Variants in PRDM10 observed in about 807,000 individuals in gnomAD.
PRDM10 encodes the protein PR/SET domain 10.
In PRDM10, 65 loss-of-function variants were observed where a neutral mutation model predicts 133.1. The observed-to-expected ratio is 0.49, with a 90% confidence interval of 0.40 to 0.60. The LOEUF (loss-of-function observed/expected upper bound fraction) is 0.60, where lower values mean the gene tolerates loss of function less well. PRDM10 is among the 20% of genes least tolerant of loss of function. PRDM10 has a pLI of 0.00. For missense variants in PRDM10, 1,137 were observed against 1,507.1 expected (o/e 0.75, Z 4.07); for synonymous variants, 582 against 580.4 (o/e 1.00, Z -0.04).
At chr11:129,992,457 T>C (rs1460608706) in intron 1 of PRDM10, among the ~76,000 whole-genome samples, 1 of 152,224 alleles carries the variant, frequency 6.6e-6, no homozygotes, top group Non-Finnish European at 1.5e-5. Flanking sequence ...TTCCTTTTAC[T>C]ACAAAGCTTG....
chr11:129,970,456 T>G (rs550399349), intron 1 of PRDM10, among the ~76,000 whole-genome samples: 3 of 152,116 alleles, frequency 2.0e-5, no homozygotes, highest in African/African-American at 4.8e-5. Flanking sequence ...ACACTGCTTC[T>G]CTTCCCACAA....
At chr11:129,914,665 G>T in intron 17 of PRDM10, 39 bp downstream of exon 17, 1 of 1,609,990 alleles carries the variant, frequency 6.2e-7, no homozygotes, top group Non-Finnish European at 8.5e-7. Context: ...GTGGCAACAC[G>T]GCATTCATAA....
Position 129,914,835 on chromosome 11 carries a change from G to A in PRDM10, c.2710C>T (p.Gln904Ter), listed in dbSNP as rs1284995004. ...LLTQAMTELSQTLTTDYRTPQ... is the reference protein window; with the variant it reads ...LLTQAMTELS ...GTTCGGTAGTCTGTCGTTAAGGTCT[G>A]GGACAGTTCTGTCATTGCTTGGGTG... Residue 904 changes from glutamine to a stop codon, truncating the protein, a stop_gained, in exon 17 of 21, where the codon CAG becomes TAG. Transcript: ENST00000360871. LOFTEE classifies it high-confidence loss of function. The A allele has an allele frequency of 6.2e-7, 1 of 1,614,016 alleles. No homozygotes were observed. Among genetic ancestry groups the A allele is most frequent in the African/African-American group, 1.3e-5 (1 of 74,908 alleles).
chr11:129,993,124 A>C (rs1045408405), intron 1 of PRDM10, among the ~76,000 whole-genome samples: 7 of 152,184 alleles, frequency 4.6e-5, no homozygotes, highest in Non-Finnish European at 2.9e-5. Context: ...TTCAACATCC[A>C]ACTTTAATTT....
intron 2 of PRDM10, 40 bp downstream of exon 2, chr11:129,960,856 A>G (rs1275512388): frequency 6.2e-7 from 1 of 1,608,420 alleles, no homozygotes; most frequent in South Asian, 1.1e-5. Flanking sequence ...AGTCCAGCTG[A>G]AAACCTCTCA....
At position 129,947,560 on chromosome 11, in the gene PRDM10, C is replaced by G; in HGVS notation, c.295-190G>C. The G allele has an allele frequency of 1.4e-6, 2 of 1,450,114 alleles. No homozygotes were observed. The highest frequency in any genetic ancestry group is 9.0e-7 in the Non-Finnish European group (1 of 1,105,618). 89.8% of individuals were successfully genotyped at this position (1,450,114 alleles called of 1,614,324 possible). A position where few individuals can be genotyped will look rare whatever the true frequency, so the allele number is the denominator to read the frequency against. ...AGAGCTGGCTTCATTTTTGATCTGA[C>G]TGCTCACAGCCTTTAAGCCTCTGCC... On this transcript the variant is annotated intron_variant, in intron 4 of 20. Transcript: ENST00000360871. This position sits in a 1 kb window ranked among gnomAD's most constrained non-coding sequence, Gnocchi z 4.6.
intron 1 of PRDM10, among the ~76,000 whole-genome samples, chr11:129,995,148 A>G (rs759488686): frequency 1.3e-5 from 2 of 152,212 alleles, no homozygotes; most frequent in African/African-American, 2.4e-5. Context: ...ATGGGTCCTT[A>G]TATTTATCCA....
intron 1 of PRDM10, among the ~76,000 whole-genome samples, chr11:129,988,740 C>T (rs1312824427): frequency 1.3e-5 from 2 of 152,134 alleles, no homozygotes; most frequent in African/African-American, 4.8e-5. Context: ...CGCCATTCTC[C>T]TGCCTCAGCC....
intron 1 of PRDM10, among the ~76,000 whole-genome samples, chr11:129,970,576 C>G (rs1376541842): frequency 1.4e-5 from 2 of 146,820 alleles, no homozygotes; most frequent in East Asian, 4.1e-4. Flanking sequence ...GATGGAGTTT[C>G]GCTTGTTGCC....
At chr11:129,956,572 T>A (rs1951700590) in intron 3 of PRDM10, among the ~76,000 whole-genome samples, 1 of 151,858 alleles carries the variant, frequency 6.6e-6, no homozygotes, top group African/African-American at 2.4e-5. Flanking sequence ...TCAAAAAAAA[T>A]AAAAAATAAG....
chr11:129,905,616 C>G (rs1261531508), intron 20 of PRDM10, 22 bp downstream of exon 20: 1 of 1,595,750 alleles, frequency 6.3e-7, no homozygotes, highest in South Asian at 1.1e-5. Context: ...CAGGAAAAAC[C>G]CGACCGAGTA....
intron 2 of PRDM10, among the ~76,000 whole-genome samples, chr11:129,960,233 A>C (rs905084422): frequency 6.6e-6 from 1 of 152,218 alleles, no homozygotes; most frequent in African/African-American, 2.4e-5. Context: ...TGTTTACTAC[A>C]ATGTTTAAAA....
chr11:129,910,515 T>C lies in PRDM10; in HGVS notation c.3124A>G (p.Thr1042Ala), dbSNP rs1367941779. ...QQQQNSSVQH[T>A]YLPSAWNSFR... The stretch of plus-strand genomic sequence containing the variant: ...GAATTCCAAGCACTGGGCAGGTACG[T>C]GTGCTGCACAGAGGAATTCTGCTGC... Residue 1042 changes from threonine (T) to alanine (A), a missense_variant, in exon 19 of 21, where the codon ACG (threonine) becomes GCG (alanine). Transcript: ENST00000360871. 1.2e-6 allele frequency: 2 copies of C among 1,613,970 alleles called. No homozygotes were observed. The highest frequency in any genetic ancestry group is 1.7e-5 in the Admixed American group (1 of 60,004).
intron 3 of PRDM10, among the ~76,000 whole-genome samples, chr11:129,957,420 GC>G (rs992654526): frequency 6.6e-6 from 1 of 152,116 alleles, no homozygotes; most frequent in African/African-American, 2.4e-5. Flanking sequence ...CCAGGTTCAA[GC>G]AATTCTCTGC....
Position 129,947,276 on chromosome 11 carries a change from A to G in PRDM10, c.389T>C (p.Leu130Pro), listed in dbSNP as rs1441178064. The G allele has an allele frequency of 1.2e-6, 2 of 1,614,024 alleles. No homozygotes were observed. Among genetic ancestry groups the G allele is most frequent in the South Asian group, 2.2e-5 (2 of 91,064 alleles). The stretch of plus-strand genomic sequence containing the variant: ...CTCATCCTCTTCCTCTTTGGCCTCC[A>G]GTCTGCCTAGAGGGGTCTGCAGAGT... ...LATLQTPLGR[L>P]EAKEEEDEDE... Residue 130 changes from leucine (L) to proline (P), a missense_variant, in exon 5 of 21, where the codon CTG (leucine) becomes CCG (proline). Leu to Pro is a moderately conservative substitution (Grantham distance 98). Coordinates refer to ENST00000360871, the MANE Select transcript of PRDM10 (RefSeq NM_199437.2). The surrounding 1 kb of genome is among the most constrained non-coding windows in gnomAD (Gnocchi z 4.6).
chr11:129,935,915 A>G (rs1054201979), intron 8 of PRDM10, among the ~76,000 whole-genome samples: 12 of 152,230 alleles, frequency 7.9e-5, no homozygotes, highest in Non-Finnish European at 1.3e-4. Flanking sequence ...CCACCTCACA[A>G]ACATACCCAA....
Position 129,961,042 on chromosome 11 carries a change from C to A in PRDM10, c.-78G>T. 7.3e-7 allele frequency: 1 copy of A among 1,371,884 alleles called. No individual in the cohort carries two copies. The highest frequency in any genetic ancestry group is 1.0e-6 in the Non-Finnish European group (1 of 970,722). 85.0% of individuals were successfully genotyped at this position (1,371,884 alleles called of 1,614,324 possible). On this transcript the variant is annotated 5_prime_UTR_variant, in exon 2 of 21. Coordinates refer to ENST00000360871, the MANE Select transcript of PRDM10 (RefSeq NM_199437.2). ...ACAGGACAGTCATCTGTCTACCACA[C>A]GTGTGTTCATGAAGGACGGAAAGGT...
chr11:129,920,572 C>T (rs934510965), intron 13 of PRDM10, among the ~76,000 whole-genome samples: 18 of 151,944 alleles, frequency 1.2e-4, no homozygotes, highest in South Asian at 6.2e-4. Context: ...TAGCTTAACC[C>T]GCTTCCCTGG....
chr11:129,954,003 G>T (rs1951646380), intron 4 of PRDM10, among the ~76,000 whole-genome samples: 1 of 148,964 alleles, frequency 6.7e-6, no homozygotes, highest in Admixed American at 6.7e-5. Flanking sequence ...ATATACCTAA[G>T]TATTATAAAA....
Sources: gnomAD v4.1 joint callset for allele counts (sites outside exome capture counted in the v4.1 genomes callset) on GRCh38, gnomAD v4.1.1 for gene constraint, Gnocchi (gnomAD v3.1) non-coding constraint, MANE v1.5 for transcripts, NCBI Gene and HGNC (gene_info 2026-07-23, HGNC 2026-07-21) for gene names.